Variants in CDK14 observed in about 807,000 individuals in gnomAD.
CDK14 encodes cyclin-dependent kinase 14.
A neutral mutation model predicts 60.7 loss-of-function variants in CDK14; 34 were observed. The ratio of observed to expected loss-of-function variants is 0.56; its 90% CI spans 0.43 to 0.75. The LOEUF is 0.75. CDK14 is among the 30% of genes least tolerant of loss of function. CDK14 has a pLI of 0.00. For missense variants in CDK14, 482 were observed against 564.1 expected (o/e 0.85, Z 1.47); for synonymous variants, 197 against 203.7 (o/e 0.97, Z 0.28).
chr7:90,789,364 A>T (rs1805730806), intron 4 of CDK14, among the ~76,000 whole-genome samples: 1 of 152,136 alleles, frequency 6.6e-6, no homozygotes, highest in Non-Finnish European at 1.5e-5. Flanking sequence ...TTATGTGTAT[A>T]TATATGTGTG....
intron 1 of CDK14, 139 bp from the exon 2 acceptor site, chr7:90,604,079 C>T (rs1799370459): frequency 5.1e-6 from 3 of 586,114 alleles, no homozygotes; most frequent in Non-Finnish European, 5.9e-6. Flanking sequence ...TGTATCATAA[C>T]ATTGTTATTC....
chr7:90,685,257 A>T (rs555834360), intron 2 of CDK14, among the ~76,000 whole-genome samples: 30 of 152,150 alleles, frequency 2.0e-4, no homozygotes, highest in African/African-American at 7.2e-4. Context: ...AAGTGTTGCC[A>T]TTATCATAAA....
chr7:90,608,503 G>A (rs1156661922), intron 2 of CDK14: 42 of 966,448 alleles, frequency 4.3e-5, no homozygotes, highest in Non-Finnish European at 4.8e-5. Context: ...AACTCATGCA[G>A]TTCTGCTTTA....
intron 2 of CDK14, among the ~76,000 whole-genome samples, chr7:90,663,488 G>A (rs1800905985): frequency 6.6e-6 from 1 of 152,158 alleles, no homozygotes; most frequent in African/African-American, 2.4e-5. Context: ...GTTAGTTTAT[G>A]CCTTTGAGCT....
At position 91,113,658 on chromosome 7, in the gene CDK14, T is replaced by G. The variant is rs138712570; in HGVS notation, c.1294+977T>G. On this transcript the variant is annotated intron_variant, in intron 13 of 14. Transcript: ENST00000380050. ...ATAATGTGTTTATTAATCCTTGGTA[T>G]ACATCACTTACAGTAGACATATGAT... Among the ~76,000 whole-genome samples, 1,073 of 152,324 alleles carry G rather than the reference T, an allele frequency of 7.0e-3. 13 individuals carry two copies. The highest frequency in any genetic ancestry group is 0.024 in the African/African-American group (992 of 41,566).
chr7:90,603,646 A>G (rs893061450), intron 1 of CDK14, among the ~76,000 whole-genome samples: 26 of 152,360 alleles, frequency 1.7e-4, no homozygotes, highest in African/African-American at 5.8e-4. Context: ...TCTGGTTCCT[A>G]TAAAATATTC....
intron 14 of CDK14, among the ~76,000 whole-genome samples, chr7:91,152,486 G>A (rs930101067): frequency 6.6e-6 from 1 of 152,118 alleles, no homozygotes; most frequent in African/African-American, 2.4e-5. Context: ...CTTATGTTGT[G>A]TTGCATTCAT....
intron 14 of CDK14, among the ~76,000 whole-genome samples, chr7:91,201,992 C>T (rs1165396735): frequency 6.6e-6 from 1 of 152,062 alleles, no homozygotes; most frequent in Non-Finnish European, 1.5e-5. Context: ...TAGTTGGTGG[C>T]GGGTATGAGA....
Position 91,181,172 on chromosome 7 carries a change from A to C in CDK14, c.*29-25993A>C, listed in dbSNP as rs112920534. On this transcript the variant is annotated intron_variant, in intron 14 of 14. Transcript: ENST00000380050. ...GATTGTTCTGTCAACAATGTTTTTA[A>C]ATTTATTTGAGTCTGAATTTCTTCC... is the stretch of plus-strand genomic sequence containing the variant. 3.5e-3 allele frequency among the ~76,000 whole-genome samples: 533 copies of C among 152,220 alleles called. 5 individuals carry two copies. The highest frequency in any genetic ancestry group is 0.022 in the South Asian group (107 of 4,820).
At chr7:91,100,995 A>G (rs1799133672) in intron 12 of CDK14, among the ~76,000 whole-genome samples, 1 of 152,176 alleles carries the variant, frequency 6.6e-6, no homozygotes, top group South Asian at 2.1e-4. Context: ...CTAGCAGTGT[A>G]GATTCGTATG....
chr7:90,597,833 G>T (rs1273304193), intron 1 of CDK14, among the ~76,000 whole-genome samples: 2 of 138,610 alleles, frequency 1.4e-5, no homozygotes, highest in African/African-American at 2.7e-5. Flanking sequence ...ATTTAGCCAA[G>T]TTTTTTTTTT....
chr7:90,929,024 G>A (rs954263742), intron 8 of CDK14, among the ~76,000 whole-genome samples: 5 of 152,252 alleles, frequency 3.3e-5, no homozygotes, highest in African/African-American at 1.2e-4. Context: ...TCTGAGCCAG[G>A]CGCAGGATGT....
intron 2 of CDK14, among the ~76,000 whole-genome samples, chr7:90,642,642 A>C (rs1026465015): frequency 1.3e-5 from 2 of 152,190 alleles, no homozygotes; most frequent in African/African-American, 4.8e-5. Flanking sequence ...GGCCTCCCAA[A>C]GTGCTGGGAT....
chr7:90,931,888 A>G (rs1320739199), intron 8 of CDK14, among the ~76,000 whole-genome samples: 1 of 152,092 alleles, frequency 6.6e-6, no homozygotes, highest in Non-Finnish European at 1.5e-5. Flanking sequence ...GCTTTGACTT[A>G]TCTTAGATTG....
chr7:91,151,278 A>G (rs1370309842), intron 14 of CDK14, among the ~76,000 whole-genome samples: 1 of 152,220 alleles, frequency 6.6e-6, no homozygotes, highest in South Asian at 2.1e-4. Flanking sequence ...GTACAAGTCC[A>G]GTGGGAGCAT....
At chr7:90,738,410 T>C (rs903280756) in intron 3 of CDK14, among the ~76,000 whole-genome samples, 2 of 152,212 alleles carry the variant, frequency 1.3e-5, no homozygotes, top group African/African-American at 4.8e-5. Flanking sequence ...GAACTAGAGC[T>C]GTCAAGGGTT....
At chr7:90,735,209 G>C (rs1038069275) in intron 3 of CDK14, among the ~76,000 whole-genome samples, 8 of 152,162 alleles carry the variant, frequency 5.3e-5, no homozygotes, top group Non-Finnish European at 1.2e-4. Context: ...TCACCCACCA[G>C]ATGCCAGCCA....
At chr7:91,183,321 T>C (rs895282188) in intron 14 of CDK14, among the ~76,000 whole-genome samples, 1 of 152,172 alleles carries the variant, frequency 6.6e-6, no homozygotes, top group Non-Finnish European at 1.5e-5. Context: ...CACTGCAGCT[T>C]AGTGTTTTCA....
At chr7:91,111,538 C>G (rs1391292488) in intron 12 of CDK14, among the ~76,000 whole-genome samples, 2 of 152,160 alleles carry the variant, frequency 1.3e-5, no homozygotes, top group Non-Finnish European at 2.9e-5. Flanking sequence ...ATATGCAAAC[C>G]ACTTTAGAGT....
Sources: gnomAD v4.1 joint callset for allele counts (sites outside exome capture counted in the v4.1 genomes callset) on GRCh38, gnomAD v4.1.1 for gene constraint, MANE v1.5 for transcripts, NCBI Gene and HGNC (gene_info 2026-07-23, HGNC 2026-07-21) for gene names.